MARCHF4: variants seen among roughly 807,000 people sequenced by gnomAD.
MARCHF4 encodes the protein membrane associated ring-CH-type finger 4, also known as E3 ubiquitin-protein ligase MARCHF4.
A neutral mutation model predicts 43.9 loss-of-function variants in MARCHF4; 14 were observed. That is an observed-to-expected ratio of 0.32 (90% CI 0.21 to 0.50). The LOEUF is 0.50. Among genes scored for constraint, MARCHF4 ranks in the 20% least tolerant of loss-of-function variants. MARCHF4 has a pLI of 0.98. For synonymous variants in MARCHF4, 226 were observed against 213.3 expected, an observed-to-expected ratio of 1.06 and a Z score of -0.52; for missense variants, 468 against 536.7, an observed-to-expected ratio of 0.87 and a Z score of 1.27.
At chr2:216,328,026 T>C (rs1692023562) in intron 1 of MARCHF4, among the ~76,000 whole-genome samples, 1 of 152,032 alleles carries the variant, frequency 6.6e-6, no homozygotes, top group African/African-American at 2.4e-5. Context: ...AGAAAACATG[T>C]CTGCTGCCTG....
At position 216,315,550 on chromosome 2, in the gene MARCHF4, A is replaced by G. The variant is rs1434343923; in HGVS notation, c.517-31821T>C. On this transcript the variant is annotated intron_variant, in intron 1 of 3. Transcript: ENST00000273067. ...AGACTATATTCATACAATGGAATAC[A>G]GTGAAGTTATTAAGAAGAATTTTGT... 3.3e-5 allele frequency among the ~76,000 whole-genome samples: 5 copies of G among 152,342 alleles called. No individual in the cohort carries two copies. The East Asian group carries it at 9.6e-4, about 29-fold the overall frequency.
At chr2:216,288,244 C>T (rs982464151) in intron 1 of MARCHF4, among the ~76,000 whole-genome samples, 3 of 152,180 alleles carry the variant, frequency 2.0e-5, no homozygotes, top group East Asian at 1.9e-4. Context: ...GGATTACAGG[C>T]GTGAGCCATT....
In MARCHF4 at chr2:216,289,621, G is replaced by A. The variant is rs528261476; in HGVS notation, c.517-5892C>T. On this transcript the variant is annotated intron_variant, in intron 1 of 3. Coordinates refer to ENST00000273067, the MANE Select transcript of MARCHF4 (RefSeq NM_020814.3). Reference sequence around the variant, plus strand: ...CATTTTTCACATCTTTCAGTCTGAAGGTCTTGCTTCTGGAGTCCCTAGCTT... The same window carrying A: ...CATTTTTCACATCTTTCAGTCTGAAAGTCTTGCTTCTGGAGTCCCTAGCTT... 3.3e-5 allele frequency among the ~76,000 whole-genome samples: 5 copies of A among 152,324 alleles called. No homozygotes were observed. In the East Asian group the frequency reaches 9.6e-4, roughly 29 times the overall value.
At chr2:216,303,928 C>A (rs972157425) in intron 1 of MARCHF4, among the ~76,000 whole-genome samples, 1 of 152,170 alleles carries the variant, frequency 6.6e-6, no homozygotes, top group Non-Finnish European at 1.5e-5. Context: ...AAGGGAGCAG[C>A]ACACTTCATG....
At chr2:216,312,729 T>C (rs761441674) in intron 1 of MARCHF4, among the ~76,000 whole-genome samples, 4 of 119,618 alleles carry the variant, frequency 3.3e-5, no homozygotes, top group Non-Finnish European at 7.6e-5. Flanking sequence ...CAGTTTTTAA[T>C]GGAGTTTTTC....
chr2:216,368,745 T>C (rs752179718), intron 1 of MARCHF4, among the ~76,000 whole-genome samples: 39 of 152,230 alleles, frequency 2.6e-4, no homozygotes, highest in South Asian at 6.2e-4. Context: ...CACCTTGCAA[T>C]TGAATACTCC....
chr2:216,266,236 G>C (rs149647203), intron 3 of MARCHF4: 324 of 152,256 alleles, frequency 2.1e-3, no homozygotes, highest in African/African-American at 7.1e-3. Context: ...TCCTCTCTCT[G>C]AGACTCAGTT....
chr2:216,306,794 T>C (rs550713681), intron 1 of MARCHF4, among the ~76,000 whole-genome samples: 2 of 152,292 alleles, frequency 1.3e-5, no homozygotes, highest in East Asian at 1.9e-4. Context: ...AGAGACTCTG[T>C]GATACACCTG....
At chr2:216,275,695 C>T (rs373573170) in intron 3 of MARCHF4, among the ~76,000 whole-genome samples, 34 of 152,336 alleles carry the variant, frequency 2.2e-4, no homozygotes, top group African/African-American at 7.0e-4. Context: ...GGCATTTATG[C>T]TCCTCTCTTT....
At position 216,258,406 on chromosome 2, in the gene MARCHF4, A is replaced by G. The variant is rs1690686041; in HGVS notation, c.*906T>C. ...TGTCCTGGCCATGGTGGGGTTGGGT[A>G]GTTGGGAAAGTTGCTCCGGGATTGA... is the stretch of plus-strand genomic sequence containing the variant. On this transcript the variant is annotated 3_prime_UTR_variant, in exon 4 of 4. Transcript: ENST00000273067. The G allele has an allele frequency of 6.6e-6, 1 of 152,560 alleles. No individual in the cohort carries two copies. Among genetic ancestry groups the G allele is most frequent in the South Asian group, 2.1e-4 (1 of 4,824 alleles). 9.5% of individuals were successfully genotyped at this position (152,560 alleles called of 1,614,324 possible). A position where few individuals can be genotyped will look rare whatever the true frequency, so the allele number is the denominator to read the frequency against.
At chr2:216,289,073 T>TTTTA (rs1293940422) in intron 1 of MARCHF4, among the ~76,000 whole-genome samples, 1 of 148,086 alleles carries the variant, frequency 6.8e-6, no homozygotes, top group Non-Finnish European at 1.5e-5. Context: ...ATATATTTAT[T>TTTTA]TTTATTTATT....
At chr2:216,275,707 G>A (rs946199749) in intron 3 of MARCHF4, among the ~76,000 whole-genome samples, 2 of 152,164 alleles carry the variant, frequency 1.3e-5, no homozygotes, top group Admixed American at 1.3e-4. Flanking sequence ...CCTCTCTTTT[G>A]TCCGTGCTCC....
intron 1 of MARCHF4, among the ~76,000 whole-genome samples, chr2:216,327,536 G>T (rs192010015): frequency 1.1e-4 from 16 of 152,230 alleles, no homozygotes; most frequent in Admixed American, 7.2e-4. Flanking sequence ...TTTATTTTTA[G>T]ATCTCCAGGG....
At chr2:216,350,938 A>G (rs1000550055) in intron 1 of MARCHF4, among the ~76,000 whole-genome samples, 1 of 152,204 alleles carries the variant, frequency 6.6e-6, no homozygotes, top group African/African-American at 2.4e-5. Flanking sequence ...ATTAAACCGT[A>G]GAAAGAGCAT....
intron 1 of MARCHF4, among the ~76,000 whole-genome samples, chr2:216,347,259 G>A (rs1692336117): frequency 6.6e-6 from 1 of 152,226 alleles, no homozygotes. Flanking sequence ...ATCATTCTAA[G>A]AGAAGGGGAT....
intron 3 of MARCHF4, among the ~76,000 whole-genome samples, chr2:216,262,503 G>T (rs775967838): frequency 6.6e-6 from 1 of 152,224 alleles, no homozygotes; most frequent in Non-Finnish European, 1.5e-5. Flanking sequence ...AAAGTGGAAA[G>T]TGAGAGAGTC....
chr2:216,368,019 AG>A (rs1302271337), intron 1 of MARCHF4, among the ~76,000 whole-genome samples: 4 of 152,222 alleles, frequency 2.6e-5, no homozygotes, highest in Non-Finnish European at 5.9e-5. Flanking sequence ...TATTTGAAAA[AG>A]TTCACACAGT....
At chr2:216,271,584 A>T (rs1690939006) in intron 3 of MARCHF4, among the ~76,000 whole-genome samples, 1 of 152,224 alleles carries the variant, frequency 6.6e-6, no homozygotes, top group Non-Finnish European at 1.5e-5. Context: ...GGCAGCCAAC[A>T]AAAGCTACTG....
chr2:216,297,472 G>A (rs976129295), intron 1 of MARCHF4, among the ~76,000 whole-genome samples: 3 of 152,140 alleles, frequency 2.0e-5, no homozygotes, highest in Admixed American at 6.5e-5. Flanking sequence ...CACTGTTTCC[G>A]TCCAAAGGAG....
Sources: allele counts gnomAD v4.1 joint callset (sites outside exome capture counted in the v4.1 genomes callset), GRCh38; gene constraint gnomAD v4.1.1; transcripts MANE v1.5; gene names NCBI Gene and HGNC (gene_info 2026-07-23, HGNC 2026-07-21).